Variants in SULF2 observed in about 807,000 individuals in gnomAD.
SULF2 encodes sulfatase 2.
A neutral mutation model predicts 107.7 loss-of-function variants in SULF2; 52 were observed. The ratio of observed to expected loss-of-function variants is 0.48; its 90% CI spans 0.39 to 0.61. SULF2 has a LOEUF of 0.61. SULF2 is among the 20% of genes least tolerant of loss of function. SULF2 has a pLI of 0.00. For synonymous variants in SULF2, 460 were observed against 464.3 expected, an observed-to-expected ratio of 0.99 and a Z score of 0.12; for missense variants, 993 against 1,177.3, an observed-to-expected ratio of 0.84 and a Z score of 2.29.
chr20:47,719,930 C>A lies in SULF2; in HGVS notation c.415+16773G>T, dbSNP rs1301748494. On this transcript the variant is annotated intron_variant, in intron 3 of 20. Coordinates refer to ENST00000688720, the MANE Select transcript of SULF2 (RefSeq NM_001387048.1). ...AGGAATGTTACCAGTAATGGCAATA[C>A]CATCATTATCATTATTATCTTTTTC... Among the ~76,000 whole-genome samples, 16 of 152,122 alleles carry A rather than the reference C, an allele frequency of 1.1e-4. 1 individual carries two copies. Among genetic ancestry groups the A allele is most frequent in the Admixed American group, 1.0e-3 (16 of 15,276 alleles).
Position 47,722,793 on chromosome 20 carries a change from C to T in SULF2, c.415+13910G>A, listed in dbSNP as rs181367481. 6.4e-3 allele frequency among the ~76,000 whole-genome samples: 967 copies of T among 151,772 alleles called. 13 individuals are homozygous for T. The highest frequency in any genetic ancestry group is 0.023 in the African/African-American group (936 of 41,410). ...CTAAAGTACAAAAATTGGCTGGGTG[C>T]GGTGGCTCATGCCTGTAATCCCAGC... On this transcript the variant is annotated intron_variant, in intron 3 of 20. Transcript: ENST00000688720.
Position 47,684,420 on chromosome 20 carries a change from C to A in SULF2, c.888+11G>T. ...GCCACGCCCACCAAGAGGCATGCAG[C>A]GGGCGCCTACCGTCTCCATGGAGTC... On this transcript the variant is annotated intron_variant, in intron 6 of 20. Coordinates refer to ENST00000688720, the MANE Select transcript of SULF2 (RefSeq NM_001387048.1). 1 of 1,601,676 alleles carries A rather than the reference C, an allele frequency of 6.2e-7. No individual in the cohort carries two copies. The highest frequency in any genetic ancestry group is 8.5e-7 in the Non-Finnish European group (1 of 1,173,794).
intron 3 of SULF2, among the ~76,000 whole-genome samples, chr20:47,705,965 A>C (rs903255373): frequency 2.0e-5 from 3 of 151,768 alleles, no homozygotes; most frequent in African/African-American, 7.3e-5. Context: ...TGCCCGGCTA[A>C]TTTTTGTATT....
rs200881276 is a variant in SULF2, at chr20:47,672,199, C to T, written c.1575G>A (p.Lys525=). 2.5e-6 allele frequency: 4 copies of T among 1,605,718 alleles called. No individual in the cohort carries two copies. The African/African-American group carries it at 5.3e-5, about 21-fold the overall frequency. The change falls in exon 11 of 21, where the codon AAG becomes AAA. Residue 525 remains lysine (K), a splice_region_variant and synonymous_variant. Transcript: ENST00000688720. Reference sequence around the variant, plus strand: ...ACTCAGCCAGGTTGTGACACTTACTCTTCTTGAAGAGTTTTTTCCGGCGTC... The same window carrying T: ...ACTCAGCCAGGTTGTGACACTTACTTTTCTTGAAGAGTTTTTTCCGGCGTC... ...LAGRRKKLFK[K]KYKASYVRSR...
intron 3 of SULF2, among the ~76,000 whole-genome samples, chr20:47,715,644 C>G (rs961370758): frequency 2.0e-5 from 3 of 151,380 alleles, no homozygotes; most frequent in Non-Finnish European, 4.4e-5. Context: ...CGCAATGGCA[C>G]GATCTCGGCT....
chr20:47,693,644 A>T (rs546204349), intron 4 of SULF2, among the ~76,000 whole-genome samples: 2 of 152,248 alleles, frequency 1.3e-5, no homozygotes, highest in Non-Finnish European at 2.9e-5. Flanking sequence ...ATCATTTATA[A>T]AAAGTCTAAG....
intron 3 of SULF2, among the ~76,000 whole-genome samples, chr20:47,729,490 G>A (rs573122137): frequency 1.3e-5 from 2 of 152,238 alleles, no homozygotes; most frequent in African/African-American, 4.8e-5. Context: ...AGACAGTGGC[G>A]CGGATGGGCT....
chr20:47,767,602 C>G (rs2090551256), intron 1 of SULF2, among the ~76,000 whole-genome samples: 1 of 152,136 alleles, frequency 6.6e-6, no homozygotes, highest in African/African-American at 2.4e-5. Flanking sequence ...GCGGTGAAAC[C>G]CCATCTCTAC....
intron 2 of SULF2, among the ~76,000 whole-genome samples, chr20:47,751,059 C>T (rs1217724974): frequency 1.3e-5 from 2 of 152,134 alleles, no homozygotes; most frequent in African/African-American, 2.4e-5. Flanking sequence ...ACTATAGATT[C>T]GATGTGTCTT....
chr20:47,735,299 C>T (rs980314553), intron 3 of SULF2, among the ~76,000 whole-genome samples: 1 of 152,276 alleles, frequency 6.6e-6, no homozygotes, highest in East Asian at 1.9e-4. Flanking sequence ...CACACACTCA[C>T]TCCTCAGACA....
intron 1 of SULF2, among the ~76,000 whole-genome samples, chr20:47,766,738 T>C (rs1475214135): frequency 2.0e-5 from 3 of 152,090 alleles, no homozygotes; most frequent in Non-Finnish European, 4.4e-5. Flanking sequence ...CTGGAAATAA[T>C]GGCAAACCAC....
chr20:47,773,080 G>A (rs563147443), intron 1 of SULF2, among the ~76,000 whole-genome samples: 3 of 152,238 alleles, frequency 2.0e-5, no homozygotes, highest in South Asian at 2.1e-4. Flanking sequence ...AGCACTGAGC[G>A]GGCTCCATAA....
chr20:47,765,886 C>G (rs541722601), intron 1 of SULF2, among the ~76,000 whole-genome samples: 69 of 152,316 alleles, frequency 4.5e-4, no homozygotes, highest in African/African-American at 1.6e-3. Context: ...GTTGTATAAA[C>G]AGCAAGAGGA....
intron 4 of SULF2, among the ~76,000 whole-genome samples, chr20:47,701,997 G>A (rs576268071): frequency 2.6e-5 from 4 of 152,188 alleles, no homozygotes; most frequent in East Asian, 1.9e-4. Context: ...ATTCTGTCTC[G>A]GCAAAATGTT....
chr20:47,725,448 C>G (rs564410412), intron 3 of SULF2, among the ~76,000 whole-genome samples: 148 of 152,310 alleles, frequency 9.7e-4, no homozygotes, highest in Non-Finnish European at 1.7e-3. Flanking sequence ...CTGTGCAGAG[C>G]AGGACATCAA....
intron 10 of SULF2, 146 bp from the exon 11 acceptor site, chr20:47,672,539 C>T: frequency 2.1e-6 from 3 of 1,421,048 alleles, no homozygotes; most frequent in South Asian, 1.5e-5. Context: ...ATCTCCAATG[C>T]CGCTTCTCTC....
intron 1 of SULF2, among the ~76,000 whole-genome samples, chr20:47,784,127 C>T (rs2090879136): frequency 6.6e-6 from 1 of 152,148 alleles, no homozygotes; most frequent in Non-Finnish European, 1.5e-5. Context: ...TGCTCCCTGT[C>T]TCCCCCTGAG....
chr20:47,702,360 G>T (rs1043848184), intron 4 of SULF2, among the ~76,000 whole-genome samples, 159 bp downstream of exon 4: 1 of 152,118 alleles, frequency 6.6e-6, no homozygotes, highest in Non-Finnish European at 1.5e-5. Context: ...GTCCCTGGCT[G>T]AGAGATGAAA....
intron 3 of SULF2, among the ~76,000 whole-genome samples, chr20:47,717,818 T>TA (rs2089170272): frequency 1.3e-5 from 2 of 149,506 alleles, no homozygotes; most frequent in Admixed American, 1.3e-4. Flanking sequence ...AGATAATTTT[T>TA]TTTTTTTTTT....
Sources: allele counts gnomAD v4.1 joint callset (sites outside exome capture counted in the v4.1 genomes callset), GRCh38; gene constraint gnomAD v4.1.1; transcripts MANE v1.5; gene names NCBI Gene and HGNC (gene_info 2026-07-23, HGNC 2026-07-21).